Variants in PTPN21 observed in about 807,000 individuals in gnomAD.
PTPN21 encodes tyrosine-protein phosphatase non-receptor type 21.
In PTPN21, 77 loss-of-function variants were observed where a neutral mutation model predicts 131.8. The ratio of observed to expected loss-of-function variants is 0.58; its 90% CI spans 0.49 to 0.71. The LOEUF (loss-of-function observed/expected upper bound fraction) is 0.71. Ranked by LOEUF, PTPN21 falls within the 30% of genes least tolerant of loss-of-function variation. PTPN21 has a pLI of 0.00. For missense variants in PTPN21, 1,552 were observed against 1,527.1 expected (o/e 1.02, Z -0.27); for synonymous variants, 715 against 621.3 (o/e 1.15, Z -2.24).
At chr14:88,522,763 C>T (rs558711208) in intron 2 of PTPN21, among the ~76,000 whole-genome samples, 1 of 152,220 alleles carries the variant, frequency 6.6e-6, no homozygotes, top group Admixed American at 6.5e-5. Flanking sequence ...ATTATTGTAA[C>T]ATTATAATCC....
intron 6 of PTPN21, 69 bp downstream of exon 6, chr14:88,504,356 A>G (rs2078056792): frequency 3.4e-6 from 4 of 1,189,522 alleles, no homozygotes; most frequent in Non-Finnish European, 5.0e-6. Context: ...TTAAATATTT[A>G]ATTGAATATT....
At chr14:88,520,297 G>C (rs1042168220) in intron 2 of PTPN21, among the ~76,000 whole-genome samples, 42 of 151,934 alleles carry the variant, frequency 2.8e-4, no homozygotes, top group Non-Finnish European at 1.0e-4. Context: ...TGTGCCTGTA[G>C]TCTCATCTAC....
intron 12 of PTPN21, among the ~76,000 whole-genome samples, chr14:88,484,201 C>G (rs1178960355): frequency 6.9e-6 from 1 of 144,472 alleles, no homozygotes; most frequent in Admixed American, 6.9e-5. Flanking sequence ...GTGCATACCA[C>G]TACGCCCAGC....
intron 3 of PTPN21, among the ~76,000 whole-genome samples, chr14:88,514,586 T>G (rs1039420562): frequency 6.6e-6 from 1 of 151,934 alleles, no homozygotes; most frequent in African/African-American, 2.4e-5. Context: ...TGCCTCAGCC[T>G]CCCGAGTAGT....
chr14:88,514,523 G>C (rs1184130359), intron 3 of PTPN21, among the ~76,000 whole-genome samples: 5 of 150,668 alleles, frequency 3.3e-5, no homozygotes, highest in Non-Finnish European at 4.4e-5. Context: ...GGAGTGCAGC[G>C]GTGCCATCTC....
chr14:88,480,083 C>T lies in PTPN21; in HGVS notation c.1348G>A (p.Asp450Asn). 1.2e-6 allele frequency: 2 copies of T among 1,614,124 alleles called. No homozygotes were observed. The highest frequency in any genetic ancestry group is 1.7e-6 in the Non-Finnish European group (2 of 1,180,028). ...VIPPSYRPTPDYETVMKQLNR... is the reference protein window; with the variant it reads ...VIPPSYRPTPNYETVMKQLNR... The stretch of plus-strand genomic sequence containing the variant: ...AGCTGCTTCATCACAGTCTCATAGT[C>T]TGGGGTGGGGCGGTAGGACGGGGGT... The change falls in exon 13 of 19, where the codon GAC (aspartate) becomes AAC (asparagine). Residue 450 changes from aspartate to asparagine, a missense_variant. By Grantham distance (23) the Asp-to-Asn change is conservative (BLOSUM62 1). This residue lies in a region of PTPN21 where 1,016 missense variants were observed against 883.5 expected (regional missense o/e 1.15). Transcript: ENST00000556564.
chr14:88,501,161 G>A (rs142444771), intron 7 of PTPN21, 120 bp downstream of exon 7: 26 of 932,526 alleles, frequency 2.8e-5, no homozygotes, highest in Middle Eastern at 4.5e-4. Flanking sequence ...CAGCTTTTAA[G>A]TTTCCAGAGT....
In PTPN21 at chr14:88,550,598, G is replaced by C; in HGVS notation, c.-181C>G. 1 of 602,682 alleles carries C rather than the reference G, an allele frequency of 1.7e-6. No individual in the cohort carries two copies. The highest frequency in any genetic ancestry group is 2.8e-6 in the Non-Finnish European group (1 of 352,004). 37.3% of individuals were successfully genotyped at this position (602,682 alleles called of 1,614,324 possible). ...GCAACGGAGTCTCCAATGGCCCGAG[G>C]AAGGGAGCATTGACGCCAGCGCTGG... On this transcript the variant is annotated 5_prime_UTR_variant, in exon 2 of 19. Transcript: ENST00000556564.
At position 88,469,393 on chromosome 14, in the gene PTPN21, G is replaced by T. The variant is rs2077418615; in HGVS notation, c.3235+106C>A. ...TTCTTTATGTTAAAACAAGTCCGAAGCTTATATGAGATAACATAAAGGAAA... is the reference window on the plus strand; with the variant it reads ...TTCTTTATGTTAAAACAAGTCCGAATCTTATATGAGATAACATAAAGGAAA... On this transcript the variant is annotated intron_variant, in intron 17 of 18. Coordinates refer to ENST00000556564, the MANE Select transcript of PTPN21 (RefSeq NM_007039.4). The surrounding 1 kb of genome is among the most constrained non-coding windows in gnomAD (Gnocchi z 4.3). 9.7e-7 allele frequency: 1 copy of T among 1,027,126 alleles called. No individual in the cohort carries two copies. Among genetic ancestry groups the T allele is most frequent in the Non-Finnish European group, 1.4e-6 (1 of 693,864 alleles). The allele number at this position is 1,027,126 out of a possible 1,614,324, so 63.6% of individuals were successfully genotyped here.
chr14:88,548,347 C>T (rs1291832645), intron 2 of PTPN21, among the ~76,000 whole-genome samples: 5 of 152,184 alleles, frequency 3.3e-5, no homozygotes, highest in Non-Finnish European at 5.9e-5. Context: ...CTTTCCTCCA[C>T]GCACTTCAGG....
chr14:88,548,760 G>A (rs1247975994), intron 2 of PTPN21, among the ~76,000 whole-genome samples: 1 of 152,144 alleles, frequency 6.6e-6, no homozygotes, highest in Non-Finnish European at 1.5e-5. Context: ...CAAAGGTAGG[G>A]AGGGTCCTAG....
At chr14:88,483,212 CAAAA>C (rs10586298) in intron 12 of PTPN21, among the ~76,000 whole-genome samples, 4,967 of 95,622 alleles carry the variant, frequency 0.052, 287 homozygotes, top group African/African-American at 0.17. Flanking sequence ...ACTCCGTCTC[CAAAA>C]AAAAAAAAAA....
At chr14:88,507,151 ATG>A (rs2078103910) in intron 4 of PTPN21, among the ~76,000 whole-genome samples, 1 of 152,342 alleles carries the variant, frequency 6.6e-6, no homozygotes, top group East Asian at 1.9e-4. Flanking sequence ...AACCAAACAT[ATG>A]AAGTGTACTT....
At chr14:88,511,761 T>C (rs1446599531) in intron 3 of PTPN21, among the ~76,000 whole-genome samples, 2 of 152,332 alleles carry the variant, frequency 1.3e-5, no homozygotes, top group Middle Eastern at 3.4e-3. Context: ...TTGCACGTTT[T>C]GATTCAAAAG....
chr14:88,468,797 TC>T, intron 18 of PTPN21, 118 bp downstream of exon 18: 1 of 1,280,330 alleles, frequency 7.8e-7, no homozygotes, highest in African/African-American at 1.5e-5. Flanking sequence ...ATTAGTAACA[TC>T]TTGAGGCCAC....
chr14:88,510,879 A>C (rs2078167270), intron 3 of PTPN21, among the ~76,000 whole-genome samples: 1 of 151,984 alleles, frequency 6.6e-6, no homozygotes, highest in African/African-American at 2.4e-5. Flanking sequence ...CTAAGGATGG[A>C]TGAATGGATG....
chr14:88,503,894 C>T (rs929071329), intron 6 of PTPN21: 4 of 152,396 alleles, frequency 2.6e-5, no homozygotes, highest in African/African-American at 7.2e-5. Flanking sequence ...AGAGATTCAT[C>T]ATGAAAGAAC....
At chr14:88,532,278 T>G (rs1007613267) in intron 2 of PTPN21, among the ~76,000 whole-genome samples, 3 of 152,154 alleles carry the variant, frequency 2.0e-5, no homozygotes, top group African/African-American at 4.8e-5. Flanking sequence ...AGCATTACCC[T>G]AATACCAAAA....
At chr14:88,545,781 T>C (rs1351526470) in intron 2 of PTPN21, among the ~76,000 whole-genome samples, 1 of 151,966 alleles carries the variant, frequency 6.6e-6, no homozygotes, top group Non-Finnish European at 1.5e-5. Context: ...GCTAACACGG[T>C]GAAACCCCAT....
Sources: allele counts gnomAD v4.1 joint callset (sites outside exome capture counted in the v4.1 genomes callset), GRCh38; gene constraint gnomAD v4.1.1; regional missense constraint gnomAD v4.1.1; non-coding constraint Gnocchi (gnomAD v3.1); transcripts MANE v1.5; gene names NCBI Gene and HGNC (gene_info 2026-07-23, HGNC 2026-07-21).